KIF13A: variants seen among roughly 807,000 people sequenced by gnomAD.
KIF13A encodes the protein kinesin family member 13A.
KIF13A carries 79 observed loss-of-function variants against 212.2 expected under a neutral mutation model. The observed-to-expected ratio is 0.37, with a 90% CI of 0.31 to 0.45. KIF13A has a LOEUF of 0.45. KIF13A is among the 20% of genes least tolerant of loss of function. The probability of loss-of-function intolerance (pLI) is 1.00; values close to 1 mark genes in which losing one functional copy is unlikely to be tolerated. For synonymous variants in KIF13A, 789 were observed against 808.6 expected, an observed-to-expected ratio of 0.98 and a Z score of 0.41; for missense variants, 1,901 against 2,209.0, an observed-to-expected ratio of 0.86 and a Z score of 2.79.
At chr6:17,860,725 CAAA>C (rs60412097) in intron 4 of KIF13A, among the ~76,000 whole-genome samples, 1 of 108,582 alleles carries the variant, frequency 9.2e-6, no homozygotes, top group Non-Finnish European at 2.0e-5. Context: ...GACTCTGTCT[CAAA>C]AAAAAAAAAA....
At chr6:17,824,542 G>A (rs945617968) in intron 16 of KIF13A, among the ~76,000 whole-genome samples, 3 of 151,930 alleles carry the variant, frequency 2.0e-5, no homozygotes, top group Non-Finnish European at 4.4e-5. Flanking sequence ...GGCGGATCAC[G>A]AGGTCGGGAG....
In KIF13A at chr6:17,839,183, G is replaced by A. The variant is rs1245209152; in HGVS notation, c.831-1600C>T. Among the ~76,000 whole-genome samples the A allele has an allele frequency of 6.6e-6, 1 of 152,128 alleles. No individual in the cohort carries two copies. Among genetic ancestry groups the A allele is most frequent in the Non-Finnish European group, 1.5e-5 (1 of 68,018 alleles). On this transcript the variant is annotated intron_variant, in intron 9 of 38. Transcript: ENST00000259711. The surrounding 1 kb of genome is among the most constrained non-coding windows in gnomAD (Gnocchi z 4.3). Reference sequence around the variant, plus strand: ...TATTCAGGTGACGGATACCTTAAAAGCCCCGACTTGACCACTGCACAATCT... The same window carrying A: ...TATTCAGGTGACGGATACCTTAAAAACCCCGACTTGACCACTGCACAATCT...
chr6:17,923,963 T>A (rs1775291542), intron 2 of KIF13A, among the ~76,000 whole-genome samples: 1 of 152,166 alleles, frequency 6.6e-6, no homozygotes. Flanking sequence ...AATCCTGTTG[T>A]ATCTTCAGCA....
chr6:17,983,463 C>T (rs951520231), intron 2 of KIF13A, among the ~76,000 whole-genome samples: 9 of 150,742 alleles, frequency 6.0e-5, no homozygotes, highest in Admixed American at 6.0e-4. Context: ...CCCACACCCA[C>T]CCCACCCCCA....
At chr6:17,791,298 C>T (rs1761530815) in intron 25 of KIF13A, among the ~76,000 whole-genome samples, 1 of 151,812 alleles carries the variant, frequency 6.6e-6, no homozygotes, top group Admixed American at 6.6e-5. Flanking sequence ...TTGGCCTAAG[C>T]ATTCATGACA....
intron 16 of KIF13A, chr6:17,821,939 C>T (rs776298432): frequency 2.6e-6 from 4 of 1,534,076 alleles, no homozygotes; most frequent in East Asian, 4.9e-5. Flanking sequence ...TGAACACCGT[C>T]CAGCCACCGG....
At chr6:17,821,815 G>C in intron 16 of KIF13A, 6 of 1,535,292 alleles carry the variant, frequency 3.9e-6, no homozygotes, top group South Asian at 1.2e-5. Flanking sequence ...GAGGAGCTTC[G>C]TCTGAAACCA....
At position 17,972,017 on chromosome 6, in the gene KIF13A, G is replaced by T. The variant is rs1298220040; in HGVS notation, c.146+15037C>A. On this transcript the variant is annotated intron_variant, in intron 2 of 38. Transcript: ENST00000259711. ...GTAGACTAGGCTGTAATCCTAGAAA[G>T]AAGAATACTATTCCATCAAAGCCAA... Among the ~76,000 whole-genome samples, 3 of 152,138 alleles carry T rather than the reference G, an allele frequency of 2.0e-5. No homozygotes were observed. The East Asian group carries it at 5.8e-4, about 29-fold the overall frequency.
Position 17,855,459 on chromosome 6 carries a change from G to A in KIF13A, c.472C>T (p.Arg158Trp), listed in dbSNP as rs73726225. Reference protein sequence around the residue: ...SYMEIYNEKVRDLLDPKGSRQ... With the variant: ...SYMEIYNEKVWDLLDPKGSRQ... ...TACCCTTTGGGGTCTAAAAGATCCC[G>A]AACTTTCTCATTATAAATTTCCATA... The change falls in exon 6 of 39, where the codon CGG (arginine) becomes TGG (tryptophan). Residue 158 changes from arginine to tryptophan, a missense_variant. Arg to Trp is a moderately radical substitution (Grantham distance 101). Transcript: ENST00000259711. This position sits in a 1 kb window ranked among gnomAD's most constrained non-coding sequence, Gnocchi z 4.1. 583 of 1,611,842 alleles carry A rather than the reference G, an allele frequency of 3.6e-4. No individual in the cohort carries two copies. In the African/African-American group the frequency reaches 6.6e-3, roughly 18 times the overall value.
chr6:17,908,343 T>C (rs1773712169), intron 2 of KIF13A, among the ~76,000 whole-genome samples: 1 of 152,224 alleles, frequency 6.6e-6, no homozygotes, highest in Non-Finnish European at 1.5e-5. Flanking sequence ...CTCATGACTA[T>C]AATACCAGCA....
rs1778830810 is a variant in KIF13A at position 17,961,730 on chromosome 6, T to C, written c.146+25324A>G. 1.3e-5 allele frequency among the ~76,000 whole-genome samples: 2 copies of C among 152,354 alleles called. No homozygotes were observed. The highest frequency in any genetic ancestry group is 4.1e-4 in the South Asian group (2 of 4,828). ...TTATTTTCCTGTTTGCATGGGCTTCTAGGATCCTCCAGCCAAGTAAGATGT... is the reference window on the plus strand; with the variant it reads ...TTATTTTCCTGTTTGCATGGGCTTCCAGGATCCTCCAGCCAAGTAAGATGT... On this transcript the variant is annotated intron_variant, in intron 2 of 38. Coordinates refer to ENST00000259711, the MANE Select transcript of KIF13A (RefSeq NM_022113.6). The surrounding 1 kb of genome is among the most constrained non-coding windows in gnomAD (Gnocchi z 4.1).
Position 17,816,911 on chromosome 6 carries a change from A to G in KIF13A, c.2000+109T>C, listed in dbSNP as rs1763999876. 1.3e-6 allele frequency: 1 copy of G among 768,648 alleles called. No homozygotes were observed. The highest frequency in any genetic ancestry group is 1.8e-5 in the South Asian group (1 of 55,214). The allele number at this position is 768,648 out of a possible 1,614,324, so 47.6% of individuals were successfully genotyped here. A position where few individuals can be genotyped will look rare whatever the true frequency, so the allele number is the denominator to read the frequency against. ...ATTGGCAATATCACGTATGGGATTA[A>G]GAGTTCTCTTGTTGCTAGGTTTGTC... On this transcript the variant is annotated intron_variant, in intron 17 of 38. Coordinates refer to ENST00000259711, the MANE Select transcript of KIF13A (RefSeq NM_022113.6). This position sits in a 1 kb window ranked among gnomAD's most constrained non-coding sequence, Gnocchi z 4.3.
At chr6:17,792,151 C>A (rs968422461) in intron 25 of KIF13A, among the ~76,000 whole-genome samples, 2 of 119,974 alleles carry the variant, frequency 1.7e-5, no homozygotes, top group Admixed American at 2.3e-4. Context: ...TACAGTGAGC[C>A]AAGATTGCAC....
rs1377411310 is a variant in KIF13A at position 17,809,993 on chromosome 6, G to A, written c.2001-1063C>T. Among the ~76,000 whole-genome samples, 4 of 152,042 alleles carry A rather than the reference G, an allele frequency of 2.6e-5. No individual in the cohort carries two copies. The highest frequency in any genetic ancestry group is 7.2e-5 in the African/African-American group (3 of 41,396). ...TATAATCCCAACACTTTGGGAAGCC[G>A]AGGTGGGAGGATCACTTGAGGCCAG... is the stretch of plus-strand genomic sequence containing the variant. On this transcript the variant is annotated intron_variant, in intron 17 of 38. Coordinates refer to ENST00000259711, the MANE Select transcript of KIF13A (RefSeq NM_022113.6). The surrounding 1 kb of genome is among the most constrained non-coding windows in gnomAD (Gnocchi z 4.7).
intron 3 of KIF13A, among the ~76,000 whole-genome samples, chr6:17,891,057 A>G (rs1007419192): frequency 2.6e-5 from 4 of 152,162 alleles, no homozygotes; most frequent in Non-Finnish European, 5.9e-5. Flanking sequence ...CTCCAATCCT[A>G]CAAATTATGA....
chr6:17,873,358 G>A lies in KIF13A; in HGVS notation c.220+19C>T, dbSNP rs1390994454. 2.6e-6 allele frequency: 4 copies of A among 1,563,086 alleles called. No homozygotes were observed. The highest frequency in any genetic ancestry group is 1.7e-6 in the Non-Finnish European group (2 of 1,143,906). ...GAGGCCAGAAGCCCAACTGTCAGGT[G>A]TAGAGGGAGAAAACTTACCAGCGTA... On this transcript the variant is annotated intron_variant, in intron 4 of 38. Coordinates refer to ENST00000259711, the MANE Select transcript of KIF13A (RefSeq NM_022113.6).
chr6:17,972,456 C>T lies in KIF13A; in HGVS notation c.146+14598G>A, dbSNP rs1166352857. ...AAATCTTTACACATTCTCTCTTTAGCTGGGAAAATAGGTGGGCGCCAAAGG... is the reference window on the plus strand; with the variant it reads ...AAATCTTTACACATTCTCTCTTTAGTTGGGAAAATAGGTGGGCGCCAAAGG... On this transcript the variant is annotated intron_variant, in intron 2 of 38. Coordinates refer to ENST00000259711, the MANE Select transcript of KIF13A (RefSeq NM_022113.6). Among the ~76,000 whole-genome samples, 3 of 152,194 alleles carry T rather than the reference C, an allele frequency of 2.0e-5. No homozygotes were observed. In the East Asian group the frequency reaches 5.8e-4, roughly 29 times the overall value.
intron 9 of KIF13A, among the ~76,000 whole-genome samples, chr6:17,847,142 T>C (rs1562050156): frequency 6.6e-6 from 1 of 152,066 alleles, no homozygotes; most frequent in Non-Finnish European, 1.5e-5. Context: ...CACTCTAAAT[T>C]CCAACAAGTC....
Position 17,984,681 on chromosome 6 carries a change from G to T in KIF13A, c.146+2373C>A. 3.5e-6 allele frequency: 1 copy of T among 287,582 alleles called. No homozygotes were observed. Among genetic ancestry groups the T allele is most frequent in the Non-Finnish European group, 5.2e-6 (1 of 192,600 alleles). 17.8% of individuals were successfully genotyped at this position (287,582 alleles called of 1,614,324 possible). ...CCACTAACCTTCAATTTCTATCCAT[G>T]GCTAATTCATTGGTAATTTCTTGCA... is the stretch of plus-strand genomic sequence containing the variant. On this transcript the variant is annotated intron_variant, in intron 2 of 38. Transcript: ENST00000259711. This position sits in a 1 kb window ranked among gnomAD's most constrained non-coding sequence, Gnocchi z 5.0.
Sources: gnomAD v4.1 joint callset for allele counts (sites outside exome capture counted in the v4.1 genomes callset) on GRCh38, gnomAD v4.1.1 for gene constraint, Gnocchi (gnomAD v3.1) non-coding constraint, MANE v1.5 for transcripts, NCBI Gene and HGNC (gene_info 2026-07-23, HGNC 2026-07-21) for gene names.